SHISAL1: variants seen among roughly 807,000 people sequenced by gnomAD.
SHISAL1 encodes shisa like 1, also known as protein shisa-like-1.
Under a neutral mutation model 22.6 loss-of-function variants are expected in SHISAL1, and 9 were observed. The observed-to-expected ratio is 0.40, with a 90% confidence interval of 0.24 to 0.70. The LOEUF (loss-of-function observed/expected upper bound fraction) is 0.70. Among genes scored for constraint, SHISAL1 ranks in the 30% least tolerant of loss-of-function variants. SHISAL1 has a pLI of 0.39. For missense variants in SHISAL1, 246 were observed against 270.6 expected, an observed-to-expected ratio of 0.91 and a Z score of 0.64; for synonymous variants, 119 against 115.4, an observed-to-expected ratio of 1.03 and a Z score of -0.20.
chr22:44,251,438 A>G (rs190029946), intron 4 of SHISAL1, among the ~76,000 whole-genome samples: 19 of 152,344 alleles, frequency 1.2e-4, no homozygotes, highest in Non-Finnish European at 1.5e-5. Flanking sequence ...TTTACTATAA[A>G]AGGATGGGCA....
intron 4 of SHISAL1, among the ~76,000 whole-genome samples, chr22:44,269,840 C>G (rs527612232): frequency 6.6e-6 from 1 of 152,192 alleles, no homozygotes; most frequent in Non-Finnish European, 1.5e-5. Context: ...CTGGTGCTGG[C>G]GTCCCATGGT....
intron 1 of SHISAL1, among the ~76,000 whole-genome samples, chr22:44,312,515 C>T (rs1030382504): frequency 5.3e-5 from 8 of 152,186 alleles, no homozygotes; most frequent in Non-Finnish European, 1.0e-4. Context: ...CATCTGTGCA[C>T]CCCCACAGGG....
chr22:44,279,128 C>A (rs754321468), intron 4 of SHISAL1, among the ~76,000 whole-genome samples: 16 of 152,204 alleles, frequency 1.1e-4, no homozygotes, highest in Non-Finnish European at 1.9e-4. Flanking sequence ...CGGAGTGACA[C>A]TGATGAATGG....
intron 4 of SHISAL1, 128 bp from the exon 5 acceptor site, chr22:44,249,813 G>A (rs9614403): frequency 0.094 from 64,653 of 691,250 alleles, 3,188 homozygotes; most frequent in Middle Eastern, 0.12. Flanking sequence ...TGAACATTGC[G>A]AACCATGTGA....
the SHISAL1 span, among the ~76,000 whole-genome samples, chr22:44,323,031 A>ATCCC: frequency 7.9e-6 from 1 of 125,950 alleles, no homozygotes; most frequent in African/African-American, 3.2e-5. Context: ...TCCATCCACC[A>ATCCC]TCCATCCATC....
chr22:44,307,193 G>A (rs59700589), intron 1 of SHISAL1, among the ~76,000 whole-genome samples: 4 of 152,056 alleles, frequency 2.6e-5, no homozygotes, highest in Non-Finnish European at 5.9e-5. Flanking sequence ...GCTGCTGACC[G>A]AGGCTGGCTC....
At chr22:44,271,093 C>T (rs1569213229) in intron 4 of SHISAL1, among the ~76,000 whole-genome samples, 1 of 152,096 alleles carries the variant, frequency 6.6e-6, no homozygotes, top group African/African-American at 2.4e-5. Flanking sequence ...AGGCCCTCCC[C>T]ACATCCCCTT....
chr22:44,324,861 T>C, the SHISAL1 span, among the ~76,000 whole-genome samples: 1 of 152,194 alleles, frequency 6.6e-6, no homozygotes, highest in Non-Finnish European at 1.5e-5. Flanking sequence ...GTCCTAGGGA[T>C]CAGATTCCAG....
At chr22:44,322,351 G>A in the SHISAL1 span, among the ~76,000 whole-genome samples, 1 of 152,162 alleles carries the variant, frequency 6.6e-6, no homozygotes, top group Non-Finnish European at 1.5e-5. Context: ...CCCATGAGTT[G>A]GAGGTGCTGC....
At chr22:44,306,367 G>T in intron 1 of SHISAL1, among the ~76,000 whole-genome samples, 1 of 143,482 alleles carries the variant, frequency 7.0e-6, no homozygotes, top group East Asian at 2.1e-4. Context: ...TGACGATGGC[G>T]TGTGCGGAGG....
chr22:44,327,897 T>C, the SHISAL1 span, among the ~76,000 whole-genome samples: 36 of 152,300 alleles, frequency 2.4e-4, no homozygotes, highest in African/African-American at 8.4e-4. Context: ...GGCCCCACTA[T>C]TCTTAGGGGT....
intron 4 of SHISAL1, among the ~76,000 whole-genome samples, chr22:44,278,743 C>G (rs1486808921): frequency 4.6e-5 from 7 of 152,106 alleles, no homozygotes; most frequent in Non-Finnish European, 8.8e-5. Context: ...TCAGGGGCCT[C>G]CGTGGGTCGT....
chr22:44,260,324 G>A lies in SHISAL1; in HGVS notation c.*-10639C>T, dbSNP rs527611641. Among the ~76,000 whole-genome samples, 53 of 152,320 alleles carry A rather than the reference G, an allele frequency of 3.5e-4. 1 individual carries two copies. In the South Asian group the frequency reaches 0.011, roughly 30 times the overall value. ...GAGGCTGGACTTGTGTTCGGTTACG[G>A]CCTGATTTGAGAGCCCATCTCGAAC... is the stretch of plus-strand genomic sequence containing the variant. On this transcript the variant is annotated intron_variant, in intron 4 of 4. Coordinates refer to ENST00000381176, the MANE Select transcript of SHISAL1 (RefSeq NM_001099294.2).
intron 4 of SHISAL1, among the ~76,000 whole-genome samples, chr22:44,278,731 C>T (rs1025545508): frequency 6.6e-6 from 1 of 152,128 alleles, no homozygotes; most frequent in Non-Finnish European, 1.5e-5. Flanking sequence ...TCCCGATGCA[C>T]CTCAGGGGCC....
the SHISAL1 span, among the ~76,000 whole-genome samples, chr22:44,327,582 C>CG: frequency 2.6e-5 from 4 of 152,038 alleles, no homozygotes; most frequent in Non-Finnish European, 4.4e-5. Context: ...GGAAGCTGCC[C>CG]GGGGGTGGGT....
chr22:44,305,659 G>A (rs2055465433), intron 1 of SHISAL1, among the ~76,000 whole-genome samples: 1 of 152,246 alleles, frequency 6.6e-6, no homozygotes, highest in Non-Finnish European at 1.5e-5. Flanking sequence ...ATGTGGATTT[G>A]CACACTGCAG....
At chr22:44,255,333 A>G (rs916745472) in intron 4 of SHISAL1, among the ~76,000 whole-genome samples, 2 of 152,106 alleles carry the variant, frequency 1.3e-5, no homozygotes, top group African/African-American at 4.8e-5. Flanking sequence ...TATTTAATAG[A>G]TACCTCAAAC....
At chr22:44,250,783 T>G (rs135444) in intron 4 of SHISAL1, among the ~76,000 whole-genome samples, 1 of 152,054 alleles carries the variant, frequency 6.6e-6, no homozygotes, top group Non-Finnish European at 1.5e-5. Flanking sequence ...ACTACCCCCT[T>G]CATACCATTG....
Position 44,310,582 on chromosome 22 carries a change from A to C in SHISAL1, c.-33+2169T>G, listed in dbSNP as rs1480577852. On this transcript the variant is annotated intron_variant, in intron 1 of 4. Coordinates refer to ENST00000381176, the MANE Select transcript of SHISAL1 (RefSeq NM_001099294.2). This position sits in a 1 kb window ranked among gnomAD's most constrained non-coding sequence, Gnocchi z 4.0. ...TGCAGGTATACCAAACATAGAAAGG[A>C]CCAGAAGCTAGCAGGGCACCCAGAA... is the stretch of plus-strand genomic sequence containing the variant. Among the ~76,000 whole-genome samples the C allele has an allele frequency of 6.6e-6, 1 of 152,144 alleles. No homozygotes were observed. Among genetic ancestry groups the C allele is most frequent in the Non-Finnish European group, 1.5e-5 (1 of 68,010 alleles).
Sources: allele counts gnomAD v4.1 joint callset (sites outside exome capture counted in the v4.1 genomes callset), GRCh38; gene constraint gnomAD v4.1.1; non-coding constraint Gnocchi (gnomAD v3.1); transcripts MANE v1.5; gene names NCBI Gene and HGNC (gene_info 2026-07-23, HGNC 2026-07-21).